The following SLC35F1 variants were observed in gnomAD, a reference collection of about 807,000 sequenced individuals.
SLC35F1 encodes the protein chromosome 6 open reading frame 169.
A neutral mutation model predicts 48.7 loss-of-function variants in SLC35F1; 14 were observed. That is an observed-to-expected ratio of 0.29 (90% CI 0.19 to 0.45). The LOEUF (loss-of-function observed/expected upper bound fraction) is 0.45. Ranked by LOEUF, SLC35F1 falls within the 20% of genes least tolerant of loss-of-function variation. The pLI, the probability that SLC35F1 is intolerant of heterozygous loss-of-function variation, is 1.00. For missense variants in SLC35F1, 404 were observed against 500.0 expected (o/e 0.81, Z 1.83); for synonymous variants, 190 against 202.2 (o/e 0.94, Z 0.51).
At chr6:117,940,309 G>A (rs1582575152) in intron 1 of SLC35F1, among the ~76,000 whole-genome samples, 1 of 152,300 alleles carries the variant, frequency 6.6e-6, no homozygotes, top group East Asian at 1.9e-4. Flanking sequence ...GCTGATGGAG[G>A]ATGGAGTTTT....
chr6:118,242,439 A>C (rs991354008), intron 3 of SLC35F1, among the ~76,000 whole-genome samples: 4 of 152,038 alleles, frequency 2.6e-5, no homozygotes, highest in African/African-American at 9.7e-5. Context: ...GATGAAAGAA[A>C]GATATTGAAG....
chr6:117,910,655 T>A (rs1775750193), intron 1 of SLC35F1, among the ~76,000 whole-genome samples: 1 of 152,184 alleles, frequency 6.6e-6, no homozygotes, highest in South Asian at 2.1e-4. Context: ...GTAGGGCTAG[T>A]CTCTTCAGTG....
At chr6:118,084,852 C>A (rs1772963482) in intron 1 of SLC35F1, among the ~76,000 whole-genome samples, 1 of 152,100 alleles carries the variant, frequency 6.6e-6, no homozygotes, top group Admixed American at 6.5e-5. Flanking sequence ...GGAAACTCAG[C>A]AACCTGTCTG....
chr6:118,200,159 TATACATACATACATAC>T lies in SLC35F1; in HGVS notation c.350-35318_350-35303del, dbSNP rs71012386. ...CCAGTACCGCTGACATACATACATATATACATACATACATACATACATACATACATACATACATACA... is the reference window on the plus strand; with the variant it reads ...CCAGTACCGCTGACATACATACATATATACATACATACATACATACATACA... On this transcript the variant is annotated intron_variant, in intron 2 of 7. Transcript: ENST00000360388. 8.8e-5 allele frequency among the ~76,000 whole-genome samples: 13 copies of T among 147,296 alleles called. No individual in the cohort carries two copies. In the South Asian group the frequency reaches 1.1e-3, roughly 12 times the overall value.
chr6:117,922,287 A>G (rs990012117), intron 1 of SLC35F1, among the ~76,000 whole-genome samples: 3 of 152,124 alleles, frequency 2.0e-5, no homozygotes, highest in Non-Finnish European at 4.4e-5. Flanking sequence ...GGAGAACAAC[A>G]TTTTCTTATT....
intron 7 of SLC35F1, among the ~76,000 whole-genome samples, chr6:118,303,776 T>C (rs1423636660): frequency 6.6e-6 from 1 of 152,230 alleles, no homozygotes; most frequent in East Asian, 1.9e-4. Flanking sequence ...AGCTCTCTGG[T>C]GTCTCTGCTT....
chr6:118,224,858 G>A (rs970338447), intron 2 of SLC35F1, among the ~76,000 whole-genome samples: 3 of 152,068 alleles, frequency 2.0e-5, no homozygotes, highest in Admixed American at 2.0e-4. Context: ...TGTGTACAAG[G>A]CTAATTTGAC....
intron 1 of SLC35F1, among the ~76,000 whole-genome samples, chr6:117,978,457 C>T (rs1431280481): frequency 1.3e-5 from 2 of 152,152 alleles, no homozygotes; most frequent in African/African-American, 4.8e-5. Context: ...GTGTCCCTCC[C>T]CTTCCTTACA....
chr6:118,273,266 T>C (rs1775881177), intron 4 of SLC35F1, among the ~76,000 whole-genome samples: 1 of 152,198 alleles, frequency 6.6e-6, no homozygotes, highest in African/African-American at 2.4e-5. Context: ...TTGGTGAGAC[T>C]ATTCACTGAA....
At chr6:118,191,353 C>T (rs1774731240) in intron 2 of SLC35F1, among the ~76,000 whole-genome samples, 1 of 152,188 alleles carries the variant, frequency 6.6e-6, no homozygotes, top group African/African-American at 2.4e-5. Flanking sequence ...AACAGACCCC[C>T]TATTCATTTC....
chr6:117,981,432 G>T (rs1223102022), intron 1 of SLC35F1, among the ~76,000 whole-genome samples: 1 of 152,202 alleles, frequency 6.6e-6, no homozygotes, highest in Admixed American at 6.5e-5. Flanking sequence ...GCAAGAGAAA[G>T]TGACTGCAGG....
At chr6:118,296,126 T>A (rs1404382496) in intron 7 of SLC35F1, among the ~76,000 whole-genome samples, 1 of 152,206 alleles carries the variant, frequency 6.6e-6, no homozygotes, top group African/African-American at 2.4e-5. Context: ...CCACCCCCTA[T>A]TTTAGTAAAT....
chr6:118,175,565 A>G (rs979504615), intron 2 of SLC35F1, among the ~76,000 whole-genome samples: 2 of 152,182 alleles, frequency 1.3e-5, no homozygotes, highest in African/African-American at 4.8e-5. Flanking sequence ...TTTTCCTGCT[A>G]CCAAAACTAT....
chr6:118,274,628 T>C (rs1032319395), intron 4 of SLC35F1, among the ~76,000 whole-genome samples: 3 of 152,138 alleles, frequency 2.0e-5, no homozygotes, highest in Non-Finnish European at 2.9e-5. Context: ...GAACTCCTGA[T>C]GTCAGGTGAT....
rs1188685326 is a variant in SLC35F1, at chr6:117,923,758, C to CATATACAT, written c.173+15863_173+15864insACATATAT. On this transcript the variant is annotated intron_variant, in intron 1 of 7. Transcript: ENST00000360388. ...ATATATACATATATGTACATATATACATATGCACATACATATGTATATATA... is the reference window on the plus strand; with the variant it reads ...ATATATACATATATGTACATATATACATATACATATATGCACATACATATGTATATATA... Among the ~76,000 whole-genome samples the CATATACAT allele has an allele frequency of 1.2e-4, 6 of 51,862 alleles. 2 individuals carry two copies. Among genetic ancestry groups the CATATACAT allele is most frequent in the African/African-American group, 2.9e-4 (5 of 16,958 alleles). The allele number at this position is 51,862 out of a possible 152,430, so 34.0% of individuals were successfully genotyped here.
rs201762200 is a variant in SLC35F1, at chr6:118,138,929, C to CAT, written c.174-15514_174-15513dup. On this transcript the variant is annotated intron_variant, in intron 1 of 7. Transcript: ENST00000360388. ...CATCATATCAGTTCACTTATACTTCCATAGAGGATATTTTTTAGCCCCTCC... is the reference window on the plus strand; with the variant it reads ...CATCATATCAGTTCACTTATACTTCCATATAGAGGATATTTTTTAGCCCCTCC... Among the ~76,000 whole-genome samples the CAT allele has an allele frequency of 3.9e-3, 585 of 151,712 alleles. 4 individuals carry two copies. The highest frequency in any genetic ancestry group is 0.013 in the African/African-American group (533 of 41,370).
rs970742037 is a variant in SLC35F1, at chr6:118,281,073, A to T, written c.847+3527A>T. On this transcript the variant is annotated intron_variant, in intron 6 of 7. Transcript: ENST00000360388. The stretch of plus-strand genomic sequence containing the variant: ...ACAAATAATATTTTAAAACTCTGGT[A>T]TGTTCAAAATAAAGAGAAAGAACAC... 9.9e-5 allele frequency among the ~76,000 whole-genome samples: 15 copies of T among 151,812 alleles called. No individual in the cohort carries two copies. In the East Asian group the frequency reaches 2.9e-3, roughly 29 times the overall value.
intron 1 of SLC35F1, among the ~76,000 whole-genome samples, chr6:118,084,158 T>A (rs1772951322): frequency 6.6e-6 from 1 of 152,208 alleles, no homozygotes; most frequent in Non-Finnish European, 1.5e-5. Flanking sequence ...CCAGTCTGGC[T>A]CCAAAGCCCA....
At chr6:118,296,232 T>C (rs1776182218) in intron 7 of SLC35F1, among the ~76,000 whole-genome samples, 1 of 152,178 alleles carries the variant, frequency 6.6e-6, no homozygotes, top group South Asian at 2.1e-4. Context: ...TGTGACAGAG[T>C]ATATGACCCA....
Sources: allele counts gnomAD v4.1 joint callset (sites outside exome capture counted in the v4.1 genomes callset), GRCh38; gene constraint gnomAD v4.1.1; transcripts MANE v1.5; gene names NCBI Gene and HGNC (gene_info 2026-07-23, HGNC 2026-07-21).